PLCG2: variants seen among roughly 807,000 people sequenced by gnomAD.
The protein encoded by PLCG2 is phospholipase C gamma 2, also known as 1-phosphatidylinositol 4,5-bisphosphate phosphodiesterase gamma-2.
In PLCG2, 69 loss-of-function variants were observed where a neutral mutation model predicts 175.6. The observed-to-expected ratio is 0.39, with a 90% CI of 0.32 to 0.48. The LOEUF (loss-of-function observed/expected upper bound fraction) is 0.48. Among genes scored for constraint, PLCG2 ranks in the 20% least tolerant of loss-of-function variants. PLCG2 has a pLI of 0.91. For synonymous variants in PLCG2, 827 were observed against 624.0 expected (o/e 1.33, Z -4.85); for missense variants, 1,798 against 1,650.9 (o/e 1.09, Z -1.54).
At chr16:81,852,331 G>T (rs888319471) in intron 2 of PLCG2, among the ~76,000 whole-genome samples, 5 of 152,178 alleles carry the variant, frequency 3.3e-5, no homozygotes, top group Non-Finnish European at 7.3e-5. Context: ...GGGCACTTGG[G>T]TCATTCCCTG....
chr16:81,764,932 A>G (rs1910113875), intron 2 of PLCG2, among the ~76,000 whole-genome samples: 1 of 151,958 alleles, frequency 6.6e-6, no homozygotes, highest in Non-Finnish European at 1.5e-5. Context: ...TACAAAAAAT[A>G]TAAAAAATTA....
chr16:81,854,299 C>T, intron 2 of PLCG2, 145 bp from the exon 3 acceptor site: 1 of 723,140 alleles, frequency 1.4e-6, no homozygotes, highest in South Asian at 1.7e-5. Context: ...AAGGAGGGGA[C>T]ACTGAGTCCA....
Position 81,869,238 on chromosome 16 carries a change from C to T in PLCG2, c.504C>T (p.Thr168=), listed in dbSNP as rs759752251. 1.2e-6 allele frequency: 2 copies of T among 1,613,958 alleles called. No homozygotes were observed. ...RNSISLRELK[T]ILPLINFKVS... Reference sequence around the variant, plus strand: ...GCATCAGTCTCCGAGAGTTGAAGACCATCTTGCCCCTGATCAACTTTAAAG... The same window carrying T: ...GCATCAGTCTCCGAGAGTTGAAGACTATCTTGCCCCTGATCAACTTTAAAG... Residue 168 remains threonine, a synonymous_variant, in exon 6 of 33, where the codon ACC becomes ACT. Transcript: ENST00000564138.
At chr16:81,956,972 G>C in intron 32 of PLCG2, 93 bp downstream of exon 32, 1 of 1,112,186 alleles carries the variant, frequency 9.0e-7, no homozygotes, top group African/African-American at 1.6e-5. Flanking sequence ...AAAGCCCTCT[G>C]AGTTGCTTTC....
At chr16:81,956,422 G>T (rs898828990) in intron 31 of PLCG2, among the ~76,000 whole-genome samples, 2 of 152,100 alleles carry the variant, frequency 1.3e-5, no homozygotes, top group East Asian at 3.8e-4. Flanking sequence ...TTAAGAAATA[G>T]GATCTACAGG....
rs1228350545 is a variant in PLCG2, at chr16:81,959,915, A to T, written c.*1917A>T. On this transcript the variant is annotated 3_prime_UTR_variant, in exon 33 of 33. Transcript: ENST00000564138. The stretch of plus-strand genomic sequence containing the variant: ...CATTCTACTTTAAAGCCACAGTGCT[A>T]AGGCCTGCATCCCCTTTCTGCCCAA... 5.1e-6 allele frequency: 1 copy of T among 196,020 alleles called. No homozygotes were observed. Among genetic ancestry groups the T allele is most frequent in the African/African-American group, 2.3e-5 (1 of 43,250 alleles). 12.1% of individuals were successfully genotyped at this position (196,020 alleles called of 1,614,324 possible). A position where few individuals can be genotyped will look rare whatever the true frequency, so the allele number is the denominator to read the frequency against.
At chr16:81,778,616 C>A (rs1910566271), upstream of PLCG2, among the ~76,000 whole-genome samples, 1 of 152,154 alleles carries the variant, frequency 6.6e-6, no homozygotes, top group Non-Finnish European at 1.5e-5. Context: ...TTCTTTGCTC[C>A]TGACTCCCTT....
chr16:81,950,667 CTG>C (rs1051008412), intron 31 of PLCG2, among the ~76,000 whole-genome samples: 6 of 152,090 alleles, frequency 3.9e-5, no homozygotes, highest in Admixed American at 3.9e-4. Context: ...AAGTCATTGG[CTG>C]TAACTGGACT....
At chr16:81,909,452 C>G (rs1193954696) in intron 17 of PLCG2, among the ~76,000 whole-genome samples, 1 of 152,218 alleles carries the variant, frequency 6.6e-6, no homozygotes, top group Non-Finnish European at 1.5e-5. Context: ...GGGTCTTGCT[C>G]TGTTGCCTAG....
chr16:81,799,740 C>A (rs887945292), intron 2 of PLCG2, among the ~76,000 whole-genome samples: 3 of 151,998 alleles, frequency 2.0e-5, no homozygotes, highest in Admixed American at 2.0e-4. Flanking sequence ...CTACAGGCGC[C>A]CGCCACCACA....
At chr16:81,858,045 G>T in intron 3 of PLCG2, 1 of 520,846 alleles carries the variant, frequency 1.9e-6, no homozygotes, top group Non-Finnish European at 3.5e-6. Context: ...TGTCATCCCT[G>T]TGGTACAAAG....
chr16:81,760,082 C>T (rs546611766), intron 2 of PLCG2, among the ~76,000 whole-genome samples: 20 of 152,298 alleles, frequency 1.3e-4, no homozygotes, highest in East Asian at 7.7e-4. Context: ...GCCGAGATCG[C>T]GCCACTGCTC....
chr16:81,837,705 C>G (rs1905597530), intron 2 of PLCG2, among the ~76,000 whole-genome samples: 1 of 128,882 alleles, frequency 7.8e-6, no homozygotes, highest in Non-Finnish European at 1.7e-5. Flanking sequence ...TTTTTTTTCT[C>G]CTTGATGCTG....
chr16:81,846,124 C>A (rs752313044), intron 2 of PLCG2, among the ~76,000 whole-genome samples: 1 of 152,204 alleles, frequency 6.6e-6, no homozygotes, highest in South Asian at 2.1e-4. Context: ...GGTGTCGTGG[C>A]TCACAGGTGC....
chr16:81,855,109 C>G (rs1414997451), intron 3 of PLCG2, among the ~76,000 whole-genome samples: 1 of 150,564 alleles, frequency 6.6e-6, no homozygotes, highest in Non-Finnish European at 1.5e-5. Flanking sequence ...ATTTGAAAGG[C>G]TGAGGCACAA....
chr16:81,859,745 G>C (rs1340636355), intron 5 of PLCG2, among the ~76,000 whole-genome samples: 3 of 152,014 alleles, frequency 2.0e-5, no homozygotes, highest in Admixed American at 6.6e-5. Context: ...ACCATGTTCG[G>C]CAGGATGGTC....
chr16:81,755,436 G>A (rs950035359), intron 1 of PLCG2, among the ~76,000 whole-genome samples: 1 of 151,084 alleles, frequency 6.6e-6, no homozygotes, highest in Non-Finnish European at 1.5e-5. Context: ...AAACTTCTGA[G>A]CTCTAGTGAT....
chr16:81,746,292 A>G (rs575673186), intron 1 of PLCG2, among the ~76,000 whole-genome samples: 1 of 152,206 alleles, frequency 6.6e-6, no homozygotes, highest in African/African-American at 2.4e-5. Flanking sequence ...CGCCACTGGC[A>G]GGGTGCCTTG....
At chr16:81,953,304 C>G (rs992957777) in intron 31 of PLCG2, among the ~76,000 whole-genome samples, 2 of 152,002 alleles carry the variant, frequency 1.3e-5, no homozygotes, top group Non-Finnish European at 2.9e-5. Context: ...TAGTATTGCA[C>G]CGATATTAAT....
Sources: gnomAD v4.1 joint callset for allele counts (sites outside exome capture counted in the v4.1 genomes callset) on GRCh38, gnomAD v4.1.1 for gene constraint, MANE v1.5 for transcripts, NCBI Gene and HGNC (gene_info 2026-07-23, HGNC 2026-07-21) for gene names.